STK17B: variants seen among roughly 807,000 people sequenced by gnomAD.
The protein encoded by STK17B is serine/threonine-protein kinase 17B.
Under a neutral mutation model 42.0 loss-of-function variants are expected in STK17B, and 21 were observed. The observed-to-expected ratio is 0.50, with a 90% CI of 0.35 to 0.72. The LOEUF (loss-of-function observed/expected upper bound fraction) is 0.72. Ranked by LOEUF, STK17B falls within the 30% of genes least tolerant of loss-of-function variation. The probability of loss-of-function intolerance (pLI) is 0.00; values close to 1 mark genes in which losing one functional copy is unlikely to be tolerated. For missense variants in STK17B, 349 were observed against 446.0 expected (o/e 0.78, Z 1.96); for synonymous variants, 143 against 148.4 (o/e 0.96, Z 0.26).
intron 7 of STK17B, among the ~76,000 whole-genome samples, chr2:196,139,295 TAA>T (rs374133460): frequency 6.6e-6 from 1 of 152,198 alleles, no homozygotes; most frequent in African/African-American, 2.4e-5. Flanking sequence ...TCATTTACAA[TAA>T]AGTCTTATCA....
At chr2:196,157,793 G>A (rs545812634) in intron 2 of STK17B, among the ~76,000 whole-genome samples, 121 of 152,264 alleles carry the variant, frequency 7.9e-4, no homozygotes, top group Non-Finnish European at 1.4e-3. Context: ...ATTGGCATAC[G>A]TGTTACTGTA....
At chr2:196,156,902 A>G (rs1342806746) in intron 2 of STK17B, among the ~76,000 whole-genome samples, 4 of 152,208 alleles carry the variant, frequency 2.6e-5, no homozygotes, top group African/African-American at 9.6e-5. Flanking sequence ...ATTCTTCACT[A>G]CTAAAATGAT....
In STK17B at chr2:196,142,163, A is replaced by T. The variant is rs574838237; in HGVS notation, c.608-866T>A. ...AACCTCCACCTCTTGGATTCAAGCGATTCTCCTGCCTCAGCCTCCCAAGTA... is the reference window on the plus strand; with the variant it reads ...AACCTCCACCTCTTGGATTCAAGCGTTTCTCCTGCCTCAGCCTCCCAAGTA... On this transcript the variant is annotated intron_variant, in intron 5 of 7. Transcript: ENST00000263955. Among the ~76,000 whole-genome samples, 3 of 152,234 alleles carry T rather than the reference A, an allele frequency of 2.0e-5. No individual in the cohort carries two copies. The East Asian group carries it at 5.8e-4, about 29-fold the overall frequency.
chr2:196,162,564 T>C (rs1699825653), intron 2 of STK17B, among the ~76,000 whole-genome samples: 2 of 152,104 alleles, frequency 1.3e-5, no homozygotes, highest in South Asian at 4.1e-4. Flanking sequence ...GACACAATTA[T>C]CTTCACCCCT....
rs556960355 is a variant in STK17B at position 196,135,893 on chromosome 2, A to T, written c.*1554T>A. The stretch of plus-strand genomic sequence containing the variant: ...GTATTGTATCTATCTATAGATATAT[A>T]CATACACCTGTACATACACACATGT... On this transcript the variant is annotated 3_prime_UTR_variant, in exon 8 of 8. Transcript: ENST00000263955. 21 of 152,090 alleles carry T rather than the reference A, an allele frequency of 1.4e-4. No individual in the cohort carries two copies. The highest frequency in any genetic ancestry group is 5.1e-4 in the African/African-American group (21 of 41,518). The allele number at this position is 152,090 out of a possible 1,614,324, so 9.4% of individuals were successfully genotyped here. A position where few individuals can be genotyped will look rare whatever the true frequency, so the allele number is the denominator to read the frequency against.
intron 1 of STK17B, among the ~76,000 whole-genome samples, chr2:196,165,107 A>G (rs1386088300): frequency 6.6e-6 from 1 of 152,216 alleles, no homozygotes; most frequent in Non-Finnish European, 1.5e-5. Context: ...TAACCCCTGT[A>G]TCTCATAATG....
intron 5 of STK17B, among the ~76,000 whole-genome samples, chr2:196,141,754 G>T (rs1238311929): frequency 5.3e-5 from 8 of 152,158 alleles, no homozygotes; most frequent in Admixed American, 3.9e-4. Flanking sequence ...ATTATCCTAT[G>T]ATTGGACATT....
Position 196,147,727 on chromosome 2 carries a change from A to C in STK17B, c.336-1672T>G, listed in dbSNP as rs1259062163. 2.3e-5 allele frequency among the ~76,000 whole-genome samples: 3 copies of C among 133,098 alleles called. No individual in the cohort carries two copies. In the Admixed American group the frequency reaches 2.6e-4, roughly 12 times the overall value. 87.3% of individuals were successfully genotyped at this position (133,098 alleles called of 152,430 possible). ...CCAAAACTTGCTGTAAATTCATGAG[A>C]CATAATATATTTTTTTTTTTTTTGA... On this transcript the variant is annotated intron_variant, in intron 3 of 7. Transcript: ENST00000263955.
chr2:196,174,751 C>T (rs181328933), upstream of STK17B, among the ~76,000 whole-genome samples: 1 of 152,368 alleles, frequency 6.6e-6, no homozygotes, highest in East Asian at 1.9e-4. Flanking sequence ...GTGCCTACAG[C>T]ACATTGCAAT....
Position 196,135,373 on chromosome 2 carries a change from C to T in STK17B, c.*2074G>A, listed in dbSNP as rs1382979028. On this transcript the variant is annotated 3_prime_UTR_variant, in exon 8 of 8. Coordinates refer to ENST00000263955, the MANE Select transcript of STK17B (RefSeq NM_004226.4). ...ATACAAGGGCTCAATTTAGATTATA[C>T]AACGTCTAGTTTATTGGACCAACAA... The T allele has an allele frequency of 1.3e-5, 2 of 152,152 alleles. No individual in the cohort carries two copies. The highest frequency in any genetic ancestry group is 2.9e-5 in the Non-Finnish European group (2 of 68,030). 9.4% of individuals were successfully genotyped at this position (152,152 alleles called of 1,614,324 possible).
chr2:196,160,008 C>A (rs767188591), intron 2 of STK17B, among the ~76,000 whole-genome samples: 13 of 151,966 alleles, frequency 8.6e-5, no homozygotes, highest in African/African-American at 2.2e-4. Flanking sequence ...AGGAAAAAAA[C>A]CAAATATTTG....
At chr2:196,161,592 C>G (rs2105708507) in intron 2 of STK17B, among the ~76,000 whole-genome samples, 1 of 134,038 alleles carries the variant, frequency 7.5e-6, no homozygotes, top group South Asian at 2.4e-4. Context: ...GATATCGGCT[C>G]ACTGCAACCT....
In STK17B at chr2:196,137,374, G is replaced by C. The variant is rs1033888679; in HGVS notation, c.*73C>G. ...ACAATATAAACATGTCATATATGAA[G>C]CTACAAATCATAATCTCACTGGAGT... On this transcript the variant is annotated 3_prime_UTR_variant, in exon 8 of 8. Coordinates refer to ENST00000263955, the MANE Select transcript of STK17B (RefSeq NM_004226.4). The C allele has an allele frequency of 6.9e-6, 10 of 1,455,860 alleles. No homozygotes were observed. The highest frequency in any genetic ancestry group is 9.3e-6 in the Non-Finnish European group (10 of 1,076,006). The allele number at this position is 1,455,860 out of a possible 1,614,324, so 90.2% of individuals were successfully genotyped here. A position where few individuals can be genotyped will look rare whatever the true frequency, so the allele number is the denominator to read the frequency against.
chr2:196,138,565 CT>C (rs1699443572), intron 7 of STK17B, among the ~76,000 whole-genome samples: 1 of 149,202 alleles, frequency 6.7e-6, no homozygotes, highest in African/African-American at 2.5e-5. Flanking sequence ...CTCCAAATCA[CT>C]TTTGGTTTTT....
chr2:196,164,721 G>C (rs1440281342), intron 1 of STK17B, among the ~76,000 whole-genome samples: 2 of 152,016 alleles, frequency 1.3e-5, no homozygotes, highest in East Asian at 1.9e-4. Flanking sequence ...AGCGTTTTCA[G>C]TTTCTACATT....
chr2:196,161,796 G>A (rs904304675), intron 2 of STK17B, among the ~76,000 whole-genome samples: 3 of 151,870 alleles, frequency 2.0e-5, no homozygotes, highest in Admixed American at 6.6e-5. Context: ...GATTACAGGC[G>A]TGAGTCACCA....
chr2:196,173,985 CACTG>C (rs906290138), upstream of STK17B, among the ~76,000 whole-genome samples: 10 of 152,270 alleles, frequency 6.6e-5, no homozygotes, highest in East Asian at 3.9e-4. Flanking sequence ...ACACATACAA[CACTG>C]ACTAAGGGAC....
rs1699400907 is a variant in STK17B at position 196,136,142 on chromosome 2, C to A, written c.*1305G>T. The A allele has an allele frequency of 6.6e-6, 1 of 152,196 alleles. No individual in the cohort carries two copies. The highest frequency in any genetic ancestry group is 2.4e-5 in the African/African-American group (1 of 41,446). 9.4% of individuals were successfully genotyped at this position (152,196 alleles called of 1,614,324 possible). On this transcript the variant is annotated 3_prime_UTR_variant, in exon 8 of 8. Coordinates refer to ENST00000263955, the MANE Select transcript of STK17B (RefSeq NM_004226.4). ...TGTCAAACTATTTCTTCTGATACAG[C>A]AACATGGTCATGAGATCACAGTTAT...
chr2:196,169,059 A>G (rs1699904761), intron 1 of STK17B, among the ~76,000 whole-genome samples: 1 of 144,210 alleles, frequency 6.9e-6, no homozygotes, highest in African/African-American at 2.5e-5. Context: ...TAGTAAGCCT[A>G]GGAATACTAT....
Sources: gnomAD v4.1 joint callset for allele counts (sites outside exome capture counted in the v4.1 genomes callset) on GRCh38, gnomAD v4.1.1 for gene constraint, MANE v1.5 for transcripts, NCBI Gene and HGNC (gene_info 2026-07-23, HGNC 2026-07-21) for gene names.